The following SHISA6 variants were observed in gnomAD, a reference collection of about 807,000 sequenced individuals.
SHISA6 encodes shisa family member 6.
SHISA6 carries 22 observed loss-of-function variants against 47.9 expected under a neutral mutation model. That is an observed-to-expected ratio of 0.46 (90% confidence interval 0.33 to 0.66). The LOEUF (loss-of-function observed/expected upper bound fraction) is 0.66. Among genes scored for constraint, SHISA6 ranks in the 30% least tolerant of loss-of-function variants. The pLI is 0.02. For synonymous variants in SHISA6, 388 were observed against 337.8 expected, an observed-to-expected ratio of 1.15 and a Z score of -1.63; for missense variants, 680 against 764.6, an observed-to-expected ratio of 0.89 and a Z score of 1.30.
intron 3 of SHISA6, among the ~76,000 whole-genome samples, chr17:11,416,744 T>C (rs1296997335): frequency 6.6e-6 from 1 of 152,200 alleles, no homozygotes; most frequent in African/African-American, 2.4e-5. Context: ...GAATATTACT[T>C]CAGACTTCTG....
intron 3 of SHISA6, among the ~76,000 whole-genome samples, chr17:11,485,654 C>T (rs1022033529): frequency 6.1e-5 from 9 of 148,368 alleles, no homozygotes; most frequent in Non-Finnish European, 9.0e-5. Context: ...TCACGACCTA[C>T]GAGAACATGA....
intron 2 of SHISA6, among the ~76,000 whole-genome samples, chr17:11,362,383 A>ACCTGCCT (rs1912318177): frequency 2.0e-5 from 3 of 152,162 alleles, no homozygotes; most frequent in African/African-American, 7.2e-5. Context: ...CAAGTGATCT[A>ACCTGCCT]CATGCCTCAG....
Position 11,241,378 on chromosome 17 carries a change from G to C in SHISA6, c.-45G>C, listed in dbSNP as rs1338536620. On this transcript the variant is annotated 5_prime_UTR_variant, in exon 1 of 6. Transcript: ENST00000441885. This position sits in a 1 kb window ranked among gnomAD's most constrained non-coding sequence, Gnocchi z 5.5. ...TCCGAGCCCGGCCCGCCGGGGGAGCGGCCTGCCGCGGAAGCCTCCCCGCGC... is the reference window on the plus strand; with the variant it reads ...TCCGAGCCCGGCCCGCCGGGGGAGCCGCCTGCCGCGGAAGCCTCCCCGCGC... The C allele has an allele frequency of 9.6e-7, 1 of 1,040,798 alleles. No individual in the cohort carries two copies. The highest frequency in any genetic ancestry group is 1.2e-6 in the Non-Finnish European group (1 of 868,732). 64.5% of individuals were successfully genotyped at this position (1,040,798 alleles called of 1,614,324 possible). A position where few individuals can be genotyped will look rare whatever the true frequency, so the allele number is the denominator to read the frequency against.
At position 11,242,033 on chromosome 17, in the gene SHISA6, G is replaced by A; in HGVS notation, c.611G>A (p.Arg204His). Reference protein sequence around the residue: ...FAKVSYDKAHRPPREMNIHRA... With the variant: ...FAKVSYDKAHHPPREMNIHRA... ...AAGGTCTCCTACGACAAGGCCCACC[G>A]CCCTCCACGGGAGATGAACATCCAC... The change falls in exon 1 of 6, where the codon CGC (arginine) becomes CAC (histidine). Residue 204 changes from arginine (R) to histidine (H), a missense_variant. By Grantham distance (29) the Arg-to-His change is conservative (BLOSUM62 0). Coordinates refer to ENST00000441885, the MANE Select transcript of SHISA6 (RefSeq NM_207386.4). 1.3e-6 allele frequency: 2 copies of A among 1,550,708 alleles called. No individual in the cohort carries two copies. Among genetic ancestry groups the A allele is most frequent in the Non-Finnish European group, 1.7e-6 (2 of 1,146,998 alleles).
intron 2 of SHISA6, among the ~76,000 whole-genome samples, chr17:11,281,041 T>G (rs1407140035): frequency 1.3e-5 from 2 of 152,230 alleles, no homozygotes; most frequent in Non-Finnish European, 2.9e-5. Context: ...ACTTGCATAG[T>G]CCTATCAGTT....
chr17:11,462,269 C>A (rs1457638023), intron 3 of SHISA6, among the ~76,000 whole-genome samples: 2 of 152,162 alleles, frequency 1.3e-5, no homozygotes, highest in East Asian at 3.9e-4. Context: ...TTTATCCAGT[C>A]AGGATGCCAT....
rs148665704 is a variant in SHISA6 at position 11,255,628 on chromosome 17, G to T, written c.639-7738G>T. Reference sequence around the variant, plus strand: ...CAAAGTCCAAGTTCAGGGTTCAGCAGAAACGGGTGTGTGGTCATATGGATT... The same window carrying T: ...CAAAGTCCAAGTTCAGGGTTCAGCATAAACGGGTGTGTGGTCATATGGATT... On this transcript the variant is annotated intron_variant, in intron 1 of 5. Coordinates refer to ENST00000441885, the MANE Select transcript of SHISA6 (RefSeq NM_207386.4). 8.2e-3 allele frequency among the ~76,000 whole-genome samples: 1,251 copies of T among 152,296 alleles called. 22 individuals are homozygous for T. Among genetic ancestry groups the T allele is most frequent in the African/African-American group, 0.029 (1,209 of 41,552 alleles).
rs1392337197 is a variant in SHISA6 at position 11,558,080 on chromosome 17, A to G, written c.1432A>G (p.Thr478Ala). Residue 478 changes from threonine (T) to alanine (A), a missense_variant, in exon 6 of 6, where the codon ACG (threonine) becomes GCG (alanine). Around this residue, in one of 2 missense-constraint regions of SHISA6, gnomAD observed 559 missense variants for 674.1 expected, o/e 0.83. Transcript: ENST00000441885. ...GTCGCTGTCCAGGGCCATCTCGCACACGGACGTCTTTGTGTCCACACCCGT... is the reference window on the plus strand; with the variant it reads ...GTCGCTGTCCAGGGCCATCTCGCACGCGGACGTCTTTGTGTCCACACCCGT... The part of the protein sequence containing the change: ...EQSLSRAISH[T>A]DVFVSTPVLD... 2 of 1,551,508 alleles carry G rather than the reference A, an allele frequency of 1.3e-6. No homozygotes were observed. The highest frequency in any genetic ancestry group is 2.7e-5 in the African/African-American group (2 of 73,064).
intron 3 of SHISA6, among the ~76,000 whole-genome samples, chr17:11,425,875 A>C (rs1914597894): frequency 6.6e-6 from 1 of 152,184 alleles, no homozygotes; most frequent in Non-Finnish European, 1.5e-5. Flanking sequence ...CTGCAGCCCC[A>C]GTGCAACACC....
intron 1 of SHISA6, 101 bp from the exon 2 acceptor site, chr17:11,263,265 C>A (rs2142146367): frequency 1.6e-6 from 2 of 1,223,474 alleles, no homozygotes; most frequent in East Asian, 2.6e-5. Flanking sequence ...TCTCTTCCTG[C>A]ATCTCTGTAA....
chr17:11,471,425 C>T (rs1029496838), intron 3 of SHISA6, among the ~76,000 whole-genome samples: 24 of 152,108 alleles, frequency 1.6e-4, no homozygotes, highest in African/African-American at 5.8e-4. Flanking sequence ...TTGGGGGATA[C>T]AGAGTGAAGG....
At chr17:11,444,980 T>C (rs1915192018) in intron 3 of SHISA6, among the ~76,000 whole-genome samples, 1 of 152,232 alleles carries the variant, frequency 6.6e-6, no homozygotes, top group South Asian at 2.1e-4. Context: ...AGATAAGTTA[T>C]ATAGAGGCAC....
intron 3 of SHISA6, among the ~76,000 whole-genome samples, chr17:11,475,734 C>A (rs553238011): frequency 6.6e-6 from 1 of 151,850 alleles, no homozygotes; most frequent in African/African-American, 2.4e-5. Flanking sequence ...AGATATTGGT[C>A]TTTAATTTTC....
chr17:11,563,145 G>T lies in SHISA6; in HGVS notation c.*4841G>T, dbSNP rs2142398235. ...AAGGTCTGGAGGTTGGCCCATAAGG[G>T]CATGAAGTTTGTACTTGAGGGCAGC... On this transcript the variant is annotated 3_prime_UTR_variant, in exon 6 of 6. Coordinates refer to ENST00000441885, the MANE Select transcript of SHISA6 (RefSeq NM_207386.4). The T allele has an allele frequency of 6.6e-6, 1 of 152,412 alleles. No individual in the cohort carries two copies. Among genetic ancestry groups the T allele is most frequent in the East Asian group, 1.9e-4 (1 of 5,188 alleles). 9.4% of individuals were successfully genotyped at this position (152,412 alleles called of 1,614,324 possible). A position where few individuals can be genotyped will look rare whatever the true frequency, so the allele number is the denominator to read the frequency against.
chr17:11,350,580 T>C lies in SHISA6; in HGVS notation c.800-28834T>C, dbSNP rs184801734. The stretch of plus-strand genomic sequence containing the variant: ...CTAGTTGATTCCTTCTCTTTACATC[T>C]CAGTTCTATCCCCTCTTCCCTCAGT... On this transcript the variant is annotated intron_variant, in intron 2 of 5. Transcript: ENST00000441885. Among the ~76,000 whole-genome samples the C allele has an allele frequency of 2.0e-4, 30 of 152,196 alleles. No homozygotes were observed. The East Asian group carries it at 5.6e-3, about 28-fold the overall frequency.
chr17:11,365,868 A>G (rs1165893143), intron 2 of SHISA6, among the ~76,000 whole-genome samples: 1 of 152,224 alleles, frequency 6.6e-6, no homozygotes, highest in African/African-American at 2.4e-5. Context: ...TGGGGAGCCT[A>G]CAATAGATTG....
intron 2 of SHISA6, among the ~76,000 whole-genome samples, chr17:11,324,206 A>T (rs1451441755): frequency 6.6e-6 from 1 of 152,178 alleles, no homozygotes. Context: ...AGTGTGTCAG[A>T]CTGGCACACG....
At chr17:11,553,685 T>G (rs1031275679) in intron 4 of SHISA6, among the ~76,000 whole-genome samples, 7 of 152,134 alleles carry the variant, frequency 4.6e-5, no homozygotes, top group African/African-American at 1.7e-4. Flanking sequence ...TGGATCCTTA[T>G]TCTGGGCCAA....
intron 2 of SHISA6, among the ~76,000 whole-genome samples, chr17:11,353,213 C>T (rs1377680581): frequency 1.3e-5 from 2 of 152,288 alleles, no homozygotes; most frequent in Admixed American, 6.5e-5. Context: ...AATCCCAACA[C>T]TTAGGGAGGC....
Sources: allele counts gnomAD v4.1 joint callset (sites outside exome capture counted in the v4.1 genomes callset), GRCh38; gene constraint gnomAD v4.1.1; regional missense constraint gnomAD v4.1.1; non-coding constraint Gnocchi (gnomAD v3.1); transcripts MANE v1.5; gene names NCBI Gene and HGNC (gene_info 2026-07-23, HGNC 2026-07-21).